NR2F2: variants seen among roughly 807,000 people sequenced by gnomAD.
NR2F2 encodes COUP transcription factor 2.
Under a neutral mutation model 34.8 loss-of-function variants are expected in NR2F2, and 2 were observed. That is an observed-to-expected ratio of 0.06 (90% CI 0.02 to 0.18). NR2F2 has a LOEUF of 0.18. Among genes scored for constraint, NR2F2 ranks in the 10% least tolerant of loss-of-function variants. NR2F2 has a pLI of 1.00. For synonymous variants in NR2F2, 274 were observed against 251.8 expected (o/e 1.09, Z -0.84); for missense variants, 300 against 580.1 (o/e 0.52, Z 4.96).
Position 96,333,563 on chromosome 15 carries a change from G to T in NR2F2, c.443-513G>T, listed in dbSNP as rs567596788. On this transcript the variant is annotated intron_variant, in intron 1 of 2. Transcript: ENST00000394166. ...TCCGCTCTCTGCTTGTCTCTCACTG[G>T]GGGGGTTCCCCGCCGGGCTGGGGCT... is the stretch of plus-strand genomic sequence containing the variant. The T allele has an allele frequency of 3.9e-6, 4 of 1,014,022 alleles. No homozygotes were observed. The South Asian group carries it at 1.7e-4, about 43-fold the overall frequency. The allele number at this position is 1,014,022 out of a possible 1,614,324, so 62.8% of individuals were successfully genotyped here. A position where few individuals can be genotyped will look rare whatever the true frequency, so the allele number is the denominator to read the frequency against.
chr15:96,327,205 G>T (rs1372343807), upstream of NR2F2: 1 of 151,388 alleles, frequency 6.6e-6, no homozygotes, highest in Non-Finnish European at 1.5e-5. Flanking sequence ...TCACCTCTTC[G>T]CCAGTGACTC....
At chr15:96,333,448 C>G (rs1275641544) in intron 1 of NR2F2, 1 of 1,003,010 alleles carries the variant, frequency 1.0e-6, no homozygotes, top group Non-Finnish European at 1.2e-6. Context: ...CTGCCTCTCC[C>G]GGCTTCCTCT....
chr15:96,329,985 C>CAT (rs1195545945), upstream of NR2F2, among the ~76,000 whole-genome samples: 13 of 151,948 alleles, frequency 8.6e-5, no homozygotes, highest in Non-Finnish European at 1.8e-4. Flanking sequence ...GAATATATGT[C>CAT]ATATATATAT....
rs34678417 is a variant in NR2F2 at position 96,337,775 on chromosome 15, CAAAAA to C, written c.*164_*168del. ...GAAGAATTTAATGGACTGTGAATTT[CAAAAA>C]AAAAAAAAAAGACTGTCAAATGAAC... On this transcript the variant is annotated 3_prime_UTR_variant, in exon 3 of 3. Transcript: ENST00000394166. 4 of 202,660 alleles carry C rather than the reference CAAAAA, an allele frequency of 2.0e-5. No individual in the cohort carries two copies. Among genetic ancestry groups the C allele is most frequent in the Non-Finnish European group, 3.5e-5 (4 of 114,896 alleles). 12.6% of individuals were successfully genotyped at this position (202,660 alleles called of 1,614,324 possible). A position where few individuals can be genotyped will look rare whatever the true frequency, so the allele number is the denominator to read the frequency against.
rs768102405 is a variant in NR2F2 at position 96,334,560 on chromosome 15, A to C, written c.927A>C (p.Ser309=). 5 of 1,612,022 alleles carry C rather than the reference A, an allele frequency of 3.1e-6. No individual in the cohort carries two copies. Among genetic ancestry groups the C allele is most frequent in the Non-Finnish European group, 4.2e-6 (5 of 1,179,042 alleles). The change falls in exon 2 of 3, where the codon TCA becomes TCC. Residue 309 remains serine (S), a synonymous_variant. Coordinates refer to ENST00000394166, the MANE Select transcript of NR2F2 (RefSeq NM_021005.4). ...VEKLKALHVD[S]AEYSCLKAIV... Reference sequence around the variant, plus strand: ...AGCTCAAGGCGCTGCACGTTGACTCAGCCGAGTACAGCTGCCTCAAGGCCA... The same window carrying C: ...AGCTCAAGGCGCTGCACGTTGACTCCGCCGAGTACAGCTGCCTCAAGGCCA...
intron 2 of NR2F2, among the ~76,000 whole-genome samples, chr15:96,336,088 G>A (rs577459138): frequency 3.3e-5 from 5 of 152,162 alleles, no homozygotes; most frequent in Non-Finnish European, 7.3e-5. Context: ...CTTCTTGGAC[G>A]ATGGAGGTAG....
In NR2F2 at chr15:96,331,596, TCCTCCG is replaced by T. The variant is rs1251834583; in HGVS notation, c.-507_-502del. ...CTCTTCCTCCTCCTCCTCCTCCTCC[TCCTCCG>T]CCAACTCCTCGGCTGCACACCAGCT... On this transcript the variant is annotated 5_prime_UTR_variant, in exon 1 of 3. Transcript: ENST00000394166. The T allele has an allele frequency of 3.3e-6, 4 of 1,201,924 alleles. No homozygotes were observed. Among genetic ancestry groups the T allele is most frequent in the Non-Finnish European group, 4.1e-6 (4 of 970,426 alleles). 74.5% of individuals were successfully genotyped at this position (1,201,924 alleles called of 1,614,324 possible). A position where few individuals can be genotyped will look rare whatever the true frequency, so the allele number is the denominator to read the frequency against.
intron 1 of NR2F2, chr15:96,333,851 C>T: frequency 1.4e-6 from 2 of 1,421,560 alleles, no homozygotes; most frequent in Admixed American, 2.9e-5. Flanking sequence ...CCGAGCGGGC[C>T]TCGGAGGCAA....
chr15:96,327,874 A>G (rs775434557), upstream of NR2F2, among the ~76,000 whole-genome samples: 18 of 152,190 alleles, frequency 1.2e-4, no homozygotes, highest in Non-Finnish European at 2.6e-4. Flanking sequence ...TGTTGTCCCA[A>G]CTTTCTCTAG....
upstream of NR2F2, among the ~76,000 whole-genome samples, chr15:96,328,722 C>T (rs1249644561): frequency 6.6e-6 from 1 of 151,656 alleles, no homozygotes; most frequent in African/African-American, 2.4e-5. Context: ...TTATTACACA[C>T]CAGGTTTATG....
Position 96,332,256 on chromosome 15 carries a change from A to T in NR2F2, c.151A>T (p.Thr51Ser). The T allele has an allele frequency of 6.5e-7, 1 of 1,543,824 alleles. No homozygotes were observed. Residue 51 changes from threonine to serine, a missense_variant, in exon 1 of 3, where the codon ACG becomes TCG. This residue lies in a region of NR2F2 where 105 missense variants were observed against 107.8 expected (regional missense o/e 0.97). Transcript: ENST00000394166. The part of the protein sequence containing the change: ...QTPGQGGPAS[T>S]PAQTAAGGQG... ...GCCCGGCCAAGGGGGCCCAGCCAGCACGCCAGCCCAGACGGCGGCCGGTGG... is the reference window on the plus strand; with the variant it reads ...GCCCGGCCAAGGGGGCCCAGCCAGCTCGCCAGCCCAGACGGCGGCCGGTGG...
intron 1 of NR2F2, 141 bp downstream of exon 1, chr15:96,332,688 G>A (rs1899180599): frequency 6.9e-7 from 1 of 1,442,048 alleles, no homozygotes; most frequent in East Asian, 2.5e-5. Context: ...TACTAGAAGC[G>A]AGTTCTGCAT....
rs1899360971 is a variant in NR2F2, at chr15:96,337,332, T to C, written c.971-16T>C. The C allele has an allele frequency of 6.2e-7, 1 of 1,602,346 alleles. No homozygotes were observed. Among genetic ancestry groups the C allele is most frequent in the Non-Finnish European group, 8.5e-7 (1 of 1,173,980 alleles). The stretch of plus-strand genomic sequence containing the variant: ...TTTTCTTCTTCTTCTTCTTCTGTTT[T>C]TAAACTTTCTTCCAGATGCCTGTGG... On this transcript the variant is annotated splice_polypyrimidine_tract_variant and intron_variant, in intron 2 of 2. Coordinates refer to ENST00000394166, the MANE Select transcript of NR2F2 (RefSeq NM_021005.4).
At position 96,339,272 on chromosome 15, in the gene NR2F2, G is replaced by T. The variant is rs1427511991; in HGVS notation, c.*1650G>T. The T allele has an allele frequency of 2.0e-5, 3 of 152,264 alleles. No homozygotes were observed. In the East Asian group the frequency reaches 5.8e-4, roughly 29 times the overall value. The allele number at this position is 152,264 out of a possible 1,614,324, so 9.4% of individuals were successfully genotyped here. A position where few individuals can be genotyped will look rare whatever the true frequency, so the allele number is the denominator to read the frequency against. ...GTTCAAGCAAGCTAATCACAGCATT[G>T]TAACTAGAGGACAGTTGTTTGCAGT... On this transcript the variant is annotated 3_prime_UTR_variant, in exon 3 of 3. Coordinates refer to ENST00000394166, the MANE Select transcript of NR2F2 (RefSeq NM_021005.4).
In NR2F2 at chr15:96,330,884, C is replaced by T. The variant is rs979474365; in HGVS notation, c.-1222C>T. 7.8e-6 allele frequency: 9 copies of T among 1,154,974 alleles called. No individual in the cohort carries two copies. Among genetic ancestry groups the T allele is most frequent in the African/African-American group, 1.6e-5 (1 of 61,332 alleles). 71.5% of individuals were successfully genotyped at this position (1,154,974 alleles called of 1,614,324 possible). Reference sequence around the variant, plus strand: ...CGAGTTGCCTCCTTTCTCCGGGTGCCGTACTGCCTTTTTTCCCCTCTTTCA... The same window carrying T: ...CGAGTTGCCTCCTTTCTCCGGGTGCTGTACTGCCTTTTTTCCCCTCTTTCA... On this transcript the variant is annotated 5_prime_UTR_variant, in exon 1 of 3. Coordinates refer to ENST00000394166, the MANE Select transcript of NR2F2 (RefSeq NM_021005.4).
upstream of NR2F2, among the ~76,000 whole-genome samples, chr15:96,330,540 G>A (rs1426610615): frequency 6.8e-6 from 1 of 146,216 alleles, no homozygotes. Context: ...CGGGGCCGCC[G>A]CAGTCCGGCC....
upstream of NR2F2, among the ~76,000 whole-genome samples, chr15:96,328,442 A>T (rs1899046896): frequency 6.6e-6 from 1 of 152,306 alleles, no homozygotes; most frequent in South Asian, 2.1e-4. Context: ...AATTATTTTC[A>T]TCCTCTATTG....
At position 96,339,418 on chromosome 15, in the gene NR2F2, T is replaced by C. The variant is rs778375992; in HGVS notation, c.*1796T>C. 1 of 152,238 alleles carries C rather than the reference T, an allele frequency of 6.6e-6. No individual in the cohort carries two copies. 9.4% of individuals were successfully genotyped at this position (152,238 alleles called of 1,614,324 possible). On this transcript the variant is annotated 3_prime_UTR_variant, in exon 3 of 3. Coordinates refer to ENST00000394166, the MANE Select transcript of NR2F2 (RefSeq NM_021005.4). The stretch of plus-strand genomic sequence containing the variant: ...CTAAGACTGAAAGGTCTACTTTTAA[T>C]GTATATATGATAACTTGCAGTTGGT...
In NR2F2 at chr15:96,331,956, C is replaced by G. The variant is rs1182873423; in HGVS notation, c.-150C>G. ...CTAACCAACCTCAACCAACCAGCCC[C>G]CGAGCCACCCGGGGCGCCCTCCCGC... On this transcript the variant is annotated 5_prime_UTR_variant, in exon 1 of 3. Coordinates refer to ENST00000394166, the MANE Select transcript of NR2F2 (RefSeq NM_021005.4). 8.3e-7 allele frequency: 1 copy of G among 1,210,270 alleles called. No homozygotes were observed. Among genetic ancestry groups the G allele is most frequent in the Non-Finnish European group, 1.0e-6 (1 of 974,358 alleles). 75.0% of individuals were successfully genotyped at this position (1,210,270 alleles called of 1,614,324 possible). A position where few individuals can be genotyped will look rare whatever the true frequency, so the allele number is the denominator to read the frequency against.
Sources: gnomAD v4.1 joint callset for allele counts (sites outside exome capture counted in the v4.1 genomes callset) on GRCh38, gnomAD v4.1.1 for gene constraint, gnomAD v4.1.1 regional missense constraint, MANE v1.5 for transcripts, NCBI Gene and HGNC (gene_info 2026-07-23, HGNC 2026-07-21) for gene names.